BRCA1: variants seen among roughly 807,000 people sequenced by gnomAD.
The protein encoded by BRCA1 is BRCA1 DNA repair associated, also known as breast cancer type 1 susceptibility protein.
Under a neutral mutation model 173.7 loss-of-function variants are expected in BRCA1, and 140 were observed. That is an observed-to-expected ratio of 0.81 (90% confidence interval 0.70 to 0.93). BRCA1 has a LOEUF of 0.93. BRCA1 is among the 40% of genes least tolerant of loss of function. The probability of loss-of-function intolerance (pLI) is 0.00; values close to 1 mark genes in which losing one functional copy is unlikely to be tolerated. For missense variants in BRCA1, 1,983 were observed against 2,172.5 expected, an observed-to-expected ratio of 0.91 and a Z score of 1.73; for synonymous variants, 662 against 756.0, an observed-to-expected ratio of 0.88 and a Z score of 2.04.
At chr17:43,118,721 G>C (rs1299300235) in intron 2 of BRCA1, among the ~76,000 whole-genome samples, 1 of 151,386 alleles carries the variant, frequency 6.6e-6, no homozygotes, top group Admixed American at 6.6e-5. Context: ...ACAGGTGTGA[G>C]CTACTATACC....
chr17:43,084,411 C>T (rs574954673), intron 11 of BRCA1, among the ~76,000 whole-genome samples: 6 of 152,232 alleles, frequency 3.9e-5, no homozygotes, highest in Admixed American at 2.0e-4. Flanking sequence ...GGTGATCTGC[C>T]CGCCTCGGCC....
intron 6 of BRCA1, among the ~76,000 whole-genome samples, chr17:43,101,975 C>G (rs2054495914): frequency 6.6e-6 from 1 of 152,076 alleles, no homozygotes; most frequent in African/African-American, 2.4e-5. Flanking sequence ...AGTCATAGCT[C>G]AACTGCAGCC....
chr17:43,104,787 G>A (rs1475880802), intron 5 of BRCA1, 81 bp downstream of exon 5: 10 of 1,254,658 alleles, frequency 8.0e-6, no homozygotes, highest in South Asian at 2.4e-5. Context: ...TTATCACCAC[G>A]TCATAGAAAG....
rs80357852 is a variant in BRCA1 at position 43,057,098 on chromosome 17, CTT to C, written c.5229_5230del (p.Arg1744LysfsTer85). On this transcript the variant is annotated frameshift_variant, in exon 19 of 23. Transcript: ENST00000357654. LOFTEE classifies it high-confidence loss of function. ...TGCTCGCTTTGGACCTTGGTGGTTT[CTT>C]CCATTGACCACATCTCCTCTGACTT... is the stretch of plus-strand genomic sequence containing the variant. 1 of 1,614,048 alleles carries C rather than the reference CTT, an allele frequency of 6.2e-7. No homozygotes were observed. The highest frequency in any genetic ancestry group is 1.1e-5 in the South Asian group (1 of 91,086).
intron 8 of BRCA1, 103 bp from the exon 9 acceptor site, chr17:43,096,025 G>T: frequency 1.0e-6 from 1 of 953,468 alleles, no homozygotes; most frequent in Non-Finnish European, 1.6e-6. Context: ...ATTACAGAAA[G>T]CTGACCAATC....
intron 11 of BRCA1, among the ~76,000 whole-genome samples, chr17:43,090,476 C>T (rs1243609378): frequency 3.9e-5 from 6 of 152,140 alleles, no homozygotes; most frequent in Non-Finnish European, 8.8e-5. Context: ...CAGGTTCAGG[C>T]GATTCTCCTG....
In BRCA1 at chr17:43,094,277, C is replaced by T. The variant is rs786201948; in HGVS notation, c.1254G>A (p.Glu418=). The T allele has an allele frequency of 6.2e-7, 1 of 1,614,158 alleles. No homozygotes were observed. Among genetic ancestry groups the T allele is most frequent in the South Asian group, 1.1e-5 (1 of 91,084 alleles). The change falls in exon 10 of 23, where the codon GAG becomes GAA. Residue 418 remains glutamate (E), a synonymous_variant. Transcript: ENST00000357654. The part of the protein sequence containing the change: ...KVADVLDVLN[E]VDEYSGSSEK... ...CTGAAGAACCAGAATATTCATCTAC[C>T]TCATTTAGAACGTCCAATACATCAG...
At chr17:43,075,194 T>A (rs2052656970) in intron 13 of BRCA1, among the ~76,000 whole-genome samples, 1 of 152,134 alleles carries the variant, frequency 6.6e-6, no homozygotes, top group Non-Finnish European at 1.5e-5. Flanking sequence ...TAAATGGATA[T>A]GTTAGAATCA....
At chr17:43,064,948 A>G (rs890739881) in intron 16 of BRCA1, among the ~76,000 whole-genome samples, 25 of 149,094 alleles carry the variant, frequency 1.7e-4, no homozygotes, top group African/African-American at 6.2e-4. Context: ...CTCCTGCCTC[A>G]GCCTCCTGAG....
chr17:43,150,820 G>A (rs2056156136), intron 1 of BRCA1, among the ~76,000 whole-genome samples: 1 of 152,132 alleles, frequency 6.6e-6, no homozygotes, highest in Admixed American at 6.6e-5. Flanking sequence ...GTGAGTCAGG[G>A]TGACCAAGTT....
rs768462633 is a variant in BRCA1, at chr17:43,057,152, A to G, written c.5194-17T>C. Reference sequence around the variant, plus strand: ...AAAATCATGCTGAAAGAAACCAAACACAACCCATCAGGATAAGAGAAAGAG... The same window carrying G: ...AAAATCATGCTGAAAGAAACCAAACGCAACCCATCAGGATAAGAGAAAGAG... On this transcript the variant is annotated splice_polypyrimidine_tract_variant and intron_variant, in intron 18 of 22. Coordinates refer to ENST00000357654, the MANE Select transcript of BRCA1 (RefSeq NM_007294.4). 1 of 1,611,054 alleles carries G rather than the reference A, an allele frequency of 6.2e-7. No individual in the cohort carries two copies. The highest frequency in any genetic ancestry group is 8.5e-7 in the Non-Finnish European group (1 of 1,177,342).
intron 10 of BRCA1, 86 bp downstream of exon 10, chr17:43,091,349 T>G: frequency 3.9e-6 from 6 of 1,536,038 alleles, no homozygotes; most frequent in Non-Finnish European, 5.4e-6. Flanking sequence ...ACTTGGAAAT[T>G]TGTAAAATGT....
At chr17:43,154,885 G>A (rs1482506509) in intron 1 of BRCA1, among the ~76,000 whole-genome samples, 1 of 151,932 alleles carries the variant, frequency 6.6e-6, no homozygotes, top group East Asian at 1.9e-4. Context: ...GGTGTACATG[G>A]GGGGAGTCAG....
At position 43,097,302 on chromosome 17, in the gene BRCA1, C is replaced by A. The variant is rs80358115; in HGVS notation, c.548-13G>T. The A allele has an allele frequency of 6.2e-7, 1 of 1,609,782 alleles. No individual in the cohort carries two copies. Among genetic ancestry groups the A allele is most frequent in the Admixed American group, 1.7e-5 (1 of 59,880 alleles). On this transcript the variant is annotated splice_polypyrimidine_tract_variant and intron_variant, in intron 7 of 22. Coordinates refer to ENST00000357654, the MANE Select transcript of BRCA1 (RefSeq NM_007294.4). Reference sequence around the variant, plus strand: ...GAAGAATCAGATCCTAAAAAATTTCCCCCCAAAAAATAAATCAATAAAAGT... The same window carrying A: ...GAAGAATCAGATCCTAAAAAATTTCACCCCAAAAAATAAATCAATAAAAGT...
At chr17:43,052,214 A>C (rs999483528) in intron 19 of BRCA1, among the ~76,000 whole-genome samples, 1 of 152,224 alleles carries the variant, frequency 6.6e-6, no homozygotes, top group Non-Finnish European at 1.5e-5. Context: ...GCCATGAGTC[A>C]CATATAGTTA....
At chr17:43,073,551 A>G (rs1350310782) in intron 14 of BRCA1, among the ~76,000 whole-genome samples, 2 of 151,776 alleles carry the variant, frequency 1.3e-5, no homozygotes, top group Non-Finnish European at 2.9e-5. Flanking sequence ...ACTGATTAAA[A>G]CTCTGATTTA....
chr17:43,146,755 C>T (rs1018042830), intron 1 of BRCA1, among the ~76,000 whole-genome samples: 6 of 152,148 alleles, frequency 3.9e-5, no homozygotes, highest in East Asian at 3.9e-4. Flanking sequence ...ACTCTGTGTT[C>T]TCCTCCTAGG....
chr17:43,115,656 G>C (rs2154565087), intron 3 of BRCA1, 70 bp downstream of exon 3: 1 of 1,422,540 alleles, frequency 7.0e-7, no homozygotes, highest in South Asian at 1.2e-5. Flanking sequence ...TATAAAGTTA[G>C]GTGTTTCCTG....
chr17:43,047,509 G>A (rs1429188585), intron 22 of BRCA1, 134 bp downstream of exon 22: 2 of 915,548 alleles, frequency 2.2e-6, no homozygotes, highest in East Asian at 2.4e-5. Context: ...ACATCAAAAA[G>A]ACATTTTAGC....
Sources: gnomAD v4.1 joint callset for allele counts (sites outside exome capture counted in the v4.1 genomes callset) on GRCh38, gnomAD v4.1.1 for gene constraint, MANE v1.5 for transcripts, NCBI Gene and HGNC (gene_info 2026-07-23, HGNC 2026-07-21) for gene names.